Variants in ARHGAP25 observed in about 807,000 individuals in gnomAD.
The protein encoded by ARHGAP25 is rho GTPase-activating protein 25.
In ARHGAP25, 34 loss-of-function variants were observed where a neutral mutation model predicts 71.0. The ratio of observed to expected loss-of-function variants is 0.48; its 90% CI spans 0.36 to 0.64. The LOEUF (loss-of-function observed/expected upper bound fraction) is 0.64. Among genes scored for constraint, ARHGAP25 ranks in the 30% least tolerant of loss-of-function variants. The pLI is 0.00. For synonymous variants in ARHGAP25, 282 were observed against 296.5 expected (o/e 0.95, Z 0.50); for missense variants, 706 against 805.1 (o/e 0.88, Z 1.49).
chr2:68,724,096 T>C (rs1435956832), intron 2 of ARHGAP25, among the ~76,000 whole-genome samples: 1 of 152,116 alleles, frequency 6.6e-6, no homozygotes, highest in Non-Finnish European at 1.5e-5. Flanking sequence ...ATGGCCTCCA[T>C]TGATGAGCCA....
At chr2:68,763,345 C>A (rs1676938267) in intron 1 of ARHGAP25, among the ~76,000 whole-genome samples, 1 of 152,038 alleles carries the variant, frequency 6.6e-6, no homozygotes, top group Non-Finnish European at 1.5e-5. Flanking sequence ...TGCTGTACTT[C>A]ATCATTTTTC....
intron 4 of ARHGAP25, among the ~76,000 whole-genome samples, chr2:68,790,368 G>A (rs1679086608): frequency 6.6e-6 from 1 of 152,182 alleles, no homozygotes; most frequent in Non-Finnish European, 1.5e-5. Context: ...CTCATTTGAG[G>A]CCACTGGACA....
chr2:68,813,467 T>C (rs760520499), intron 6 of ARHGAP25, 48 bp downstream of exon 6: 7 of 1,587,852 alleles, frequency 4.4e-6, no homozygotes, highest in Non-Finnish European at 6.0e-6. Flanking sequence ...AAGTGATTGG[T>C]TTTCTGGACA....
intron 2 of ARHGAP25, 122 bp downstream of exon 2, chr2:68,775,542 G>A: frequency 1.4e-6 from 2 of 1,470,310 alleles, no homozygotes; most frequent in Non-Finnish European, 9.4e-7. Flanking sequence ...CATTGGAAAG[G>A]AAATTGCTTT....
chr2:68,799,159 G>A (rs182855652), intron 4 of ARHGAP25, among the ~76,000 whole-genome samples: 8 of 152,276 alleles, frequency 5.3e-5, no homozygotes, highest in Admixed American at 3.3e-4. Context: ...CATTGCCAGG[G>A]GGTGGGAGTG....
chr2:68,726,035 C>A (rs2104262770), intron 2 of ARHGAP25, among the ~76,000 whole-genome samples: 1 of 152,318 alleles, frequency 6.6e-6, no homozygotes, highest in Middle Eastern at 3.4e-3. Context: ...TCTTTCACCC[C>A]TTCCCGTAGC....
intron 2 of ARHGAP25, among the ~76,000 whole-genome samples, chr2:68,715,888 G>A (rs1378414735): frequency 4.6e-5 from 7 of 152,284 alleles, no homozygotes; most frequent in Middle Eastern, 3.4e-3. Context: ...GGCCATAAAA[G>A]CCACTATTAC....
chr2:68,781,476 T>C (rs1402979423), intron 2 of ARHGAP25, among the ~76,000 whole-genome samples: 1 of 152,174 alleles, frequency 6.6e-6, no homozygotes, highest in East Asian at 1.9e-4. Context: ...TGGCTTGTTT[T>C]TCTGATAATA....
chr2:68,803,404 T>C (rs753941632), intron 4 of ARHGAP25, among the ~76,000 whole-genome samples: 1 of 152,156 alleles, frequency 6.6e-6, no homozygotes, highest in Non-Finnish European at 1.5e-5. Flanking sequence ...TGCAGGCTAA[T>C]GAAACCAGAT....
At chr2:68,768,014 A>C (rs1241597533) in intron 1 of ARHGAP25, among the ~76,000 whole-genome samples, 2 of 152,200 alleles carry the variant, frequency 1.3e-5, no homozygotes, top group Admixed American at 6.5e-5. Context: ...TTCCATCTCC[A>C]ATGTGGATGC....
chr2:68,799,517 A>G (rs1052052490), intron 4 of ARHGAP25, among the ~76,000 whole-genome samples: 1 of 152,186 alleles, frequency 6.6e-6, no homozygotes, highest in Non-Finnish European at 1.5e-5. Context: ...GCTAAGTGAA[A>G]TTCTGTGTTT....
intron 1 of ARHGAP25, among the ~76,000 whole-genome samples, chr2:68,735,948 C>T (rs1037970935): frequency 6.6e-6 from 1 of 152,142 alleles, no homozygotes; most frequent in African/African-American, 2.4e-5. Context: ...TAAGTTTAAT[C>T]TATATATTCG....
intron 4 of ARHGAP25, among the ~76,000 whole-genome samples, chr2:68,805,112 C>G (rs1680269072): frequency 1.3e-5 from 2 of 152,258 alleles, no homozygotes; most frequent in South Asian, 4.2e-4. Flanking sequence ...AGAATTTTGT[C>G]CTCTTTGTCC....
chr2:68,814,799 G>C (rs1173854963), intron 6 of ARHGAP25, among the ~76,000 whole-genome samples: 1 of 152,180 alleles, frequency 6.6e-6, no homozygotes, highest in African/African-American at 2.4e-5. Flanking sequence ...GAAAGGAAGA[G>C]AACATGATAC....
intron 1 of ARHGAP25, among the ~76,000 whole-genome samples, chr2:68,774,342 G>A (rs1209129076): frequency 6.6e-6 from 1 of 152,168 alleles, no homozygotes; most frequent in Non-Finnish European, 1.5e-5. Context: ...GGGTTACCAT[G>A]GAGACAAGAT....
intron 4 of ARHGAP25, 82 bp from the exon 5 acceptor site, chr2:68,807,191 C>T (rs1680435684): frequency 7.2e-7 from 1 of 1,385,508 alleles, no homozygotes; most frequent in East Asian, 2.4e-5. Flanking sequence ...CCTGTGAAGA[C>T]ACAGGTGACA....
Position 68,737,143 on chromosome 2 carries a change from TA to T in ARHGAP25, c.61+1884del, listed in dbSNP as rs370976548. 7.2e-5 allele frequency among the ~76,000 whole-genome samples: 11 copies of T among 152,332 alleles called. No individual in the cohort carries two copies. In the East Asian group the frequency reaches 1.5e-3, roughly 21 times the overall value. On this transcript the variant is annotated intron_variant, in intron 1 of 10. Transcript: ENST00000409202. ...AGTTTGTCACCCTGAAGGACTGGAC[TA>T]CAGTAGGATGCATTTATAAGTGTCA...
intron 5 of ARHGAP25, 122 bp from the exon 6 acceptor site, chr2:68,813,165 C>A: frequency 8.6e-7 from 1 of 1,161,504 alleles, no homozygotes; most frequent in Non-Finnish European, 1.2e-6. Flanking sequence ...CAGACTACTC[C>A]TCTGCAAAAT....
intron 4 of ARHGAP25, among the ~76,000 whole-genome samples, chr2:68,804,156 T>C (rs778476443): frequency 5.5e-4 from 83 of 152,170 alleles, no homozygotes; most frequent in Non-Finnish European, 8.2e-4. Flanking sequence ...GAACTAGACA[T>C]ATATTAAGGT....
Sources: gnomAD v4.1 joint callset for allele counts (sites outside exome capture counted in the v4.1 genomes callset) on GRCh38, gnomAD v4.1.1 for gene constraint, MANE v1.5 for transcripts, NCBI Gene and HGNC (gene_info 2026-07-23, HGNC 2026-07-21) for gene names.